PEX5L: variants seen among roughly 807,000 people sequenced by gnomAD.
PEX5L encodes PEX5-related protein.
A neutral mutation model predicts 84.0 loss-of-function variants in PEX5L; 30 were observed. The observed-to-expected ratio is 0.36, with a 90% CI of 0.27 to 0.48. PEX5L has a LOEUF of 0.48. PEX5L is among the 20% of genes least tolerant of loss of function. The probability of loss-of-function intolerance (pLI) is 0.99; values close to 1 mark genes in which losing one functional copy is unlikely to be tolerated. For synonymous variants in PEX5L, 270 were observed against 283.1 expected (o/e 0.95, Z 0.46); for missense variants, 533 against 754.6 (o/e 0.71, Z 3.44).
At chr3:180,023,449 G>A (rs1561076986) in intron 1 of PEX5L, among the ~76,000 whole-genome samples, 2 of 152,140 alleles carry the variant, frequency 1.3e-5, no homozygotes, top group African/African-American at 4.8e-5. Flanking sequence ...GAAGAATTAG[G>A]AGAGGCTGAT....
At chr3:179,917,950 C>A (rs547397037) in intron 2 of PEX5L, among the ~76,000 whole-genome samples, 1 of 152,128 alleles carries the variant, frequency 6.6e-6, no homozygotes, top group East Asian at 1.9e-4. Flanking sequence ...TGAGCCACTG[C>A]GCCTGGCCTT....
intron 11 of PEX5L, among the ~76,000 whole-genome samples, chr3:179,811,116 C>G (rs1264684554): frequency 6.6e-6 from 1 of 151,932 alleles, no homozygotes; most frequent in Non-Finnish European, 1.5e-5. Flanking sequence ...TTGCAAGAGT[C>G]TAGAATTCTT....
chr3:179,931,654 T>G (rs1188146329), intron 2 of PEX5L, among the ~76,000 whole-genome samples: 1 of 152,196 alleles, frequency 6.6e-6, no homozygotes, highest in Non-Finnish European at 1.5e-5. Context: ...TATAATTTTT[T>G]TTCTAAAGAG....
intron 1 of PEX5L, among the ~76,000 whole-genome samples, chr3:179,997,499 C>T (rs946245672): frequency 3.9e-5 from 6 of 152,156 alleles, no homozygotes; most frequent in African/African-American, 9.7e-5. Context: ...AAATGGAAGC[C>T]ATTAGAGCTG....
intron 2 of PEX5L, among the ~76,000 whole-genome samples, chr3:179,950,939 A>G (rs891440700): frequency 6.6e-6 from 1 of 152,216 alleles, no homozygotes; most frequent in African/African-American, 2.4e-5. Context: ...GTGGTGCCCA[A>G]TGGCAAAGGG....
At chr3:179,917,347 T>TAA (rs1163578592) in intron 2 of PEX5L, among the ~76,000 whole-genome samples, 29 of 151,512 alleles carry the variant, frequency 1.9e-4, no homozygotes, top group South Asian at 4.2e-4. Flanking sequence ...TTTTTTTTTT[T>TAA]AAAATAAGCT....
At chr3:179,970,844 G>T (rs568174056) in intron 2 of PEX5L, among the ~76,000 whole-genome samples, 1 of 152,182 alleles carries the variant, frequency 6.6e-6, no homozygotes, top group Admixed American at 6.6e-5. Context: ...TACAGCTTTT[G>T]CGTCGCTCTC....
intron 2 of PEX5L, among the ~76,000 whole-genome samples, chr3:179,948,344 G>A (rs1033648044): frequency 2.1e-4 from 32 of 152,160 alleles, no homozygotes; most frequent in Non-Finnish European, 1.5e-4. Context: ...CCTTCTTGAA[G>A]GATTTCAGCA....
rs1718500898 is a variant in PEX5L, at chr3:179,800,345, G to GTT, written c.*1481_*1482dup. 1 of 152,184 alleles carries GTT rather than the reference G, an allele frequency of 6.6e-6. No homozygotes were observed. The highest frequency in any genetic ancestry group is 1.5e-5 in the Non-Finnish European group (1 of 68,028). The allele number at this position is 152,184 out of a possible 1,614,324, so 9.4% of individuals were successfully genotyped here. A position where few individuals can be genotyped will look rare whatever the true frequency, so the allele number is the denominator to read the frequency against. ...TATCAAAGAACATAAATAAAAAGTT[G>GTT]TTAGGATTAGCTACTGTGGGGAAGG... On this transcript the variant is annotated 3_prime_UTR_variant, in exon 15 of 15. Transcript: ENST00000467460.
At chr3:179,860,888 G>C (rs1745862751) in intron 7 of PEX5L, among the ~76,000 whole-genome samples, 1 of 152,176 alleles carries the variant, frequency 6.6e-6, no homozygotes, top group African/African-American at 2.4e-5. Context: ...CATAACCACT[G>C]TTCTACACTG....
chr3:179,987,394 G>A (rs535733742), intron 1 of PEX5L, among the ~76,000 whole-genome samples: 48 of 151,968 alleles, frequency 3.2e-4, no homozygotes, highest in Non-Finnish European at 6.3e-4. Flanking sequence ...TTAGAAAAAC[G>A]CACTAAAGAT....
intron 2 of PEX5L, among the ~76,000 whole-genome samples, chr3:179,971,193 T>TCTCTCTCTCTCTC (rs374504805): frequency 2.0e-5 from 3 of 151,580 alleles, no homozygotes; most frequent in African/African-American, 7.3e-5. Context: ...TTTTCTCTCT[T>TCTCTCTCTCTCTC]TCTCTCTCTC....
At chr3:179,857,400 T>C (rs895402162) in intron 8 of PEX5L, among the ~76,000 whole-genome samples, 1 of 152,176 alleles carries the variant, frequency 6.6e-6, no homozygotes, top group African/African-American at 2.4e-5. Context: ...AAAATGGAAA[T>C]GGATTTTCTT....
intron 8 of PEX5L, among the ~76,000 whole-genome samples, chr3:179,852,308 A>G (rs974568269): frequency 1.3e-5 from 2 of 152,170 alleles, no homozygotes; most frequent in African/African-American, 4.8e-5. Context: ...ATGATGTGGT[A>G]GCTGGGTTTA....
chr3:179,985,174 G>A (rs1203043186), intron 1 of PEX5L, among the ~76,000 whole-genome samples: 3 of 152,114 alleles, frequency 2.0e-5, no homozygotes, highest in African/African-American at 4.8e-5. Context: ...AAGGATTACA[G>A]GAAATAATAT....
At position 179,807,813 on chromosome 3, in the gene PEX5L, G is replaced by A. The variant is rs1202434696; in HGVS notation, c.1537C>T (p.Arg513Cys). Residue 513 changes from arginine to cysteine, a missense_variant, in exon 14 of 15, where the codon CGC becomes TGC. This residue lies in a region of PEX5L where 105 missense variants were observed against 204.6 expected (regional missense o/e 0.51). Coordinates refer to ENST00000467460, the MANE Select transcript of PEX5L (RefSeq NM_016559.3). ...CCGTTCGCCAAGGTCGCCCCGAGGC[G>A]GTTCCATAGTGAATAGTCCTGATGA... ...VRPEDYSLWN[R>C]LGATLANGDR... is the part of the protein sequence containing the mutation. The A allele has an allele frequency of 1.9e-6, 3 of 1,613,588 alleles. No individual in the cohort carries two copies. Among genetic ancestry groups the A allele is most frequent in the Non-Finnish European group, 2.5e-6 (3 of 1,179,998 alleles).
chr3:179,871,100 C>CTTTTTTTTT (rs397801213), intron 7 of PEX5L, among the ~76,000 whole-genome samples: 2 of 95,032 alleles, frequency 2.1e-5, no homozygotes, highest in African/African-American at 9.1e-5. Context: ...TTGAGTTATA[C>CTTTTTTTTT]TTTTTTTTTT....
chr3:179,838,193 A>G (rs1735716390), intron 8 of PEX5L, among the ~76,000 whole-genome samples: 1 of 152,164 alleles, frequency 6.6e-6, no homozygotes, highest in South Asian at 2.1e-4. Context: ...ACCTAGTACT[A>G]ATAACGTTTT....
chr3:179,940,815 C>T (rs1295158165), intron 2 of PEX5L, among the ~76,000 whole-genome samples: 3 of 152,180 alleles, frequency 2.0e-5, no homozygotes, highest in African/African-American at 4.8e-5. Flanking sequence ...TGTGAACTTA[C>T]CATTTTAGTC....
Sources: gnomAD v4.1 joint callset for allele counts (sites outside exome capture counted in the v4.1 genomes callset) on GRCh38, gnomAD v4.1.1 for gene constraint, gnomAD v4.1.1 regional missense constraint, MANE v1.5 for transcripts, NCBI Gene and HGNC (gene_info 2026-07-23, HGNC 2026-07-21) for gene names.